GALNTL6: variants seen among roughly 807,000 people sequenced by gnomAD.
GALNTL6 encodes polypeptide N-acetylgalactosaminyltransferase-like 6.
In GALNTL6, 46 loss-of-function variants were observed where a neutral mutation model predicts 73.7. That is an observed-to-expected ratio of 0.62 (90% confidence interval 0.49 to 0.80). GALNTL6 has a LOEUF of 0.80. Among genes scored for constraint, GALNTL6 ranks in the 30% least tolerant of loss-of-function variants. The pLI is 0.00. For synonymous variants in GALNTL6, 259 were observed against 263.7 expected (o/e 0.98, Z 0.17); for missense variants, 604 against 755.0 (o/e 0.80, Z 2.34).
At chr4:172,737,112 C>T (rs138970557) in intron 5 of GALNTL6, among the ~76,000 whole-genome samples, 58 of 152,252 alleles carry the variant, frequency 3.8e-4, no homozygotes, top group Non-Finnish European at 5.7e-4. Context: ...TGAATCTGTT[C>T]GGTGTTTAAG....
intron 5 of GALNTL6, among the ~76,000 whole-genome samples, chr4:172,647,333 G>A (rs776705531): frequency 2.0e-5 from 3 of 152,026 alleles, no homozygotes; most frequent in African/African-American, 4.8e-5. Context: ...CTCAGGCCTC[G>A]ACTCATCAGT....
intron 12 of GALNTL6, among the ~76,000 whole-genome samples, chr4:173,026,336 G>A (rs559697089): frequency 6.6e-6 from 1 of 152,260 alleles, no homozygotes; most frequent in African/African-American, 2.4e-5. Context: ...ACATCAGGGA[G>A]TCAATTTTTT....
intron 5 of GALNTL6, among the ~76,000 whole-genome samples, chr4:172,486,349 T>A (rs1207573633): frequency 6.6e-6 from 1 of 152,132 alleles, no homozygotes; most frequent in Non-Finnish European, 1.5e-5. Context: ...TCTATTAGCC[T>A]CCAGATAATT....
At chr4:172,527,977 A>G (rs1735019582) in intron 5 of GALNTL6, among the ~76,000 whole-genome samples, 1 of 152,060 alleles carries the variant, frequency 6.6e-6, no homozygotes, top group African/African-American at 2.4e-5. Context: ...AACTTTTATC[A>G]ACTATAGTTA....
At chr4:172,654,910 G>T (rs760376299) in intron 5 of GALNTL6, among the ~76,000 whole-genome samples, 1 of 152,080 alleles carries the variant, frequency 6.6e-6, no homozygotes, top group African/African-American at 2.4e-5. Flanking sequence ...TCCTCACGAC[G>T]TTCTAGTAGA....
intron 11 of GALNTL6, among the ~76,000 whole-genome samples, chr4:173,012,938 G>A (rs1026041743): frequency 6.6e-6 from 1 of 152,128 alleles, no homozygotes; most frequent in African/African-American, 2.4e-5. Flanking sequence ...AGGAGTTCGA[G>A]ACCAGCCTGG....
At chr4:171,905,505 G>A (rs1737247299) in intron 2 of GALNTL6, among the ~76,000 whole-genome samples, 2 of 150,188 alleles carry the variant, frequency 1.3e-5, no homozygotes, top group Non-Finnish European at 3.0e-5. Flanking sequence ...AGTCCTGAGT[G>A]ACCTACAAAG....
In GALNTL6 at chr4:172,087,313, T is replaced by C. The variant is rs551347797; in HGVS notation, c.139-142343T>C. Among the ~76,000 whole-genome samples the C allele has an allele frequency of 1.8e-3, 265 of 149,346 alleles. 2 individuals are homozygous for C. The highest frequency in any genetic ancestry group is 6.2e-3 in the African/African-American group (254 of 40,660). ...TAAAAAAATTAGCCGGGCGTGGGGG[T>C]GGGCGCCTGTAGTCCCAGCTACTCG... On this transcript the variant is annotated intron_variant, in intron 2 of 12. Transcript: ENST00000506823.
chr4:172,712,005 ATCAACTCTG>A (rs1216280290), intron 5 of GALNTL6, among the ~76,000 whole-genome samples: 1 of 152,150 alleles, frequency 6.6e-6, no homozygotes, highest in Non-Finnish European at 1.5e-5. Context: ...GGACAGAGTG[ATCAACTCTG>A]CCAGGTAACA....
At chr4:172,929,401 A>G (rs1029390155) in intron 8 of GALNTL6, among the ~76,000 whole-genome samples, 1 of 152,170 alleles carries the variant, frequency 6.6e-6, no homozygotes, top group Non-Finnish European at 1.5e-5. Flanking sequence ...AAATCAAGAT[A>G]TGTATCTGTA....
chr4:171,987,042 G>C lies in GALNTL6; in HGVS notation c.138+172324G>C, dbSNP rs2332450. ...AACATAGTAGGGATGACAAGTTTTTGGGGGCACAGTCTAAGTTGTTCTGGT... is the reference window on the plus strand; with the variant it reads ...AACATAGTAGGGATGACAAGTTTTTCGGGGCACAGTCTAAGTTGTTCTGGT... On this transcript the variant is annotated intron_variant, in intron 2 of 12. Coordinates refer to ENST00000506823, the MANE Select transcript of GALNTL6 (RefSeq NM_001034845.3). Among the ~76,000 whole-genome samples the C allele has an allele frequency of 2.6e-4, 39 of 152,074 alleles. No individual in the cohort carries two copies. In the East Asian group the frequency reaches 6.8e-3, roughly 27 times the overall value.
intron 2 of GALNTL6, among the ~76,000 whole-genome samples, chr4:171,959,597 T>C (rs1277657178): frequency 1.3e-5 from 2 of 152,182 alleles, no homozygotes; most frequent in African/African-American, 4.8e-5. Flanking sequence ...ATGTCTGTGG[T>C]CCCAGCTACT....
intron 2 of GALNTL6, among the ~76,000 whole-genome samples, chr4:171,978,841 T>C (rs936520736): frequency 6.6e-6 from 1 of 151,282 alleles, no homozygotes; most frequent in African/African-American, 2.5e-5. Context: ...TAGGAAACAA[T>C]TTCTGGAATA....
At chr4:172,786,846 A>G (rs1259298832) in intron 5 of GALNTL6, among the ~76,000 whole-genome samples, 1 of 152,234 alleles carries the variant, frequency 6.6e-6, no homozygotes, top group African/African-American at 2.4e-5. Flanking sequence ...CTATTTTCAC[A>G]TTAGAGAAAT....
intron 5 of GALNTL6, among the ~76,000 whole-genome samples, chr4:172,353,831 AG>A (rs1742052720): frequency 6.6e-6 from 1 of 152,112 alleles, no homozygotes; most frequent in Non-Finnish European, 1.5e-5. Flanking sequence ...GACCCTTCAC[AG>A]GGCTGAAAGT....
chr4:172,523,433 C>T (rs1011144706), intron 5 of GALNTL6, among the ~76,000 whole-genome samples: 9 of 152,036 alleles, frequency 5.9e-5, no homozygotes, highest in South Asian at 2.1e-4. Flanking sequence ...GGCTCGATCT[C>T]GGCTCATTGC....
At chr4:171,838,871 G>C (rs1252371711) in intron 2 of GALNTL6, among the ~76,000 whole-genome samples, 1 of 152,142 alleles carries the variant, frequency 6.6e-6, no homozygotes, top group African/African-American at 2.4e-5. Context: ...GAAACACAAG[G>C]ACGGTTGCCT....
intron 2 of GALNTL6, among the ~76,000 whole-genome samples, chr4:172,067,115 G>C (rs1326378923): frequency 6.6e-6 from 1 of 151,282 alleles, no homozygotes; most frequent in Non-Finnish European, 1.5e-5. Context: ...GTTATAATTA[G>C]TCTCTTCCTC....
chr4:172,157,947 A>G (rs1734335266), intron 2 of GALNTL6, among the ~76,000 whole-genome samples: 1 of 152,220 alleles, frequency 6.6e-6, no homozygotes, highest in African/African-American at 2.4e-5. Context: ...ATGTTTTGCT[A>G]GTAAATGATT....
Sources: gnomAD v4.1 joint callset for allele counts (sites outside exome capture counted in the v4.1 genomes callset) on GRCh38, gnomAD v4.1.1 for gene constraint, MANE v1.5 for transcripts, NCBI Gene and HGNC (gene_info 2026-07-23, HGNC 2026-07-21) for gene names.